Variants in VIPR2 observed in about 807,000 individuals in gnomAD.
The protein encoded by VIPR2 is vasoactive intestinal polypeptide receptor 2.
Under a neutral mutation model 58.0 loss-of-function variants are expected in VIPR2, and 48 were observed. The observed-to-expected ratio is 0.83, with a 90% CI of 0.66 to 1.05. The LOEUF (loss-of-function observed/expected upper bound fraction) is 1.05, where lower values mean the gene tolerates loss of function less well. Among genes scored for constraint, VIPR2 ranks in the 50% least tolerant of loss-of-function variants. The pLI, the probability that VIPR2 is intolerant of heterozygous loss-of-function variation, is 0.00. For missense variants in VIPR2, 534 were observed against 558.0 expected (o/e 0.96, Z 0.43); for synonymous variants, 243 against 235.2 (o/e 1.03, Z -0.30).
At chr7:159,139,115 C>A (rs1014375160) in intron 2 of VIPR2, among the ~76,000 whole-genome samples, 1 of 152,216 alleles carries the variant, frequency 6.6e-6, no homozygotes, top group African/African-American at 2.4e-5. Flanking sequence ...TTTAGGAGTT[C>A]ATTCCCCCAA....
chr7:159,117,853 G>A (rs12666365), intron 2 of VIPR2, among the ~76,000 whole-genome samples: 12,981 of 152,276 alleles, frequency 0.085, 577 homozygotes, highest in Middle Eastern at 0.13. Flanking sequence ...AGGAACCAGC[G>A]AGTGGGAAAA....
At chr7:159,129,154 T>G (rs1323408659) in intron 2 of VIPR2, among the ~76,000 whole-genome samples, 1 of 57,132 alleles carries the variant, frequency 1.8e-5, no homozygotes, top group Non-Finnish European at 3.5e-5. Context: ...GGGACAGGGC[T>G]GGGGGGACAG....
chr7:159,039,949 C>G (rs1046729741), intron 6 of VIPR2, among the ~76,000 whole-genome samples: 2 of 152,206 alleles, frequency 1.3e-5, no homozygotes, highest in African/African-American at 2.4e-5. Flanking sequence ...CATGAGGGAC[C>G]GTGTGCCGCC....
At chr7:159,083,508 G>C (rs1431609176) in intron 4 of VIPR2, among the ~76,000 whole-genome samples, 2 of 152,186 alleles carry the variant, frequency 1.3e-5, no homozygotes, top group Non-Finnish European at 2.9e-5. Context: ...CTGCCCTGGA[G>C]TGACCATAGC....
intron 2 of VIPR2, among the ~76,000 whole-genome samples, chr7:159,114,752 G>A (rs899299201): frequency 4.7e-5 from 7 of 148,300 alleles, no homozygotes; most frequent in African/African-American, 1.5e-4. Flanking sequence ...TCAAGCCCGG[G>A]TGACTGAGTG....
Position 159,124,664 on chromosome 7 carries a change from T to C in VIPR2, c.152-14745A>G, listed in dbSNP as rs193253235. On this transcript the variant is annotated intron_variant, in intron 2 of 12. Coordinates refer to ENST00000262178, the MANE Select transcript of VIPR2 (RefSeq NM_003382.5). ...TCCATATGAATTTTAAAATAGTTTT[T>C]TTCTAGTTCTGTGAAGAATACTGTT... Among the ~76,000 whole-genome samples the C allele has an allele frequency of 4.9e-3, 744 of 152,348 alleles. 6 individuals carry two copies. Among genetic ancestry groups the C allele is most frequent in the African/African-American group, 0.016 (671 of 41,576 alleles).
chr7:159,047,150 G>A (rs1392349327), intron 5 of VIPR2, among the ~76,000 whole-genome samples: 3 of 152,132 alleles, frequency 2.0e-5, no homozygotes, highest in Non-Finnish European at 2.9e-5. Context: ...CAGGAGAATC[G>A]CTTGAACCCA....
chr7:159,079,294 C>G (rs1322701293), intron 4 of VIPR2, among the ~76,000 whole-genome samples: 6 of 152,170 alleles, frequency 3.9e-5, no homozygotes, highest in Admixed American at 2.6e-4. Flanking sequence ...TGCAATCAAA[C>G]TAGAACACAG....
In VIPR2 at chr7:159,129,120, G is replaced by C. The variant is rs1278684202; in HGVS notation, c.151+13326C>G. On this transcript the variant is annotated intron_variant, in intron 2 of 12. Coordinates refer to ENST00000262178, the MANE Select transcript of VIPR2 (RefSeq NM_003382.5). ...GGCCAGGTGAGCAGCTTCACACTCT[G>C]TTCCCTCAAACTGGCCTCTGGGGGG... is the stretch of plus-strand genomic sequence containing the variant. Among the ~76,000 whole-genome samples the C allele has an allele frequency of 3.0e-5, 4 of 131,342 alleles. 1 individual carries two copies. The highest frequency in any genetic ancestry group is 2.2e-4 in the Admixed American group (3 of 13,342). 86.2% of individuals were successfully genotyped at this position (131,342 alleles called of 152,430 possible).
intron 4 of VIPR2, among the ~76,000 whole-genome samples, chr7:159,102,477 T>C (rs148403004): frequency 6.6e-6 from 1 of 152,366 alleles, no homozygotes; most frequent in East Asian, 1.9e-4. Flanking sequence ...TAATGACCCA[T>C]ATACCATGGG....
chr7:159,067,508 G>A (rs1206861736), intron 4 of VIPR2, among the ~76,000 whole-genome samples: 2 of 152,232 alleles, frequency 1.3e-5, no homozygotes, highest in African/African-American at 2.4e-5. Context: ...CTCATCCCAT[G>A]AGCTCAATGC....
chr7:159,104,805 C>T lies in VIPR2; in HGVS notation c.260-951G>A, dbSNP rs187277500. ...TTGCCACCGATGGTGACCGGGTGCC[C>T]GGCCTGCCCCAGTTCCTGACAGTAT... is the stretch of plus-strand genomic sequence containing the variant. On this transcript the variant is annotated intron_variant, in intron 3 of 12. Transcript: ENST00000262178. Among the ~76,000 whole-genome samples, 641 of 149,648 alleles carry T rather than the reference C, an allele frequency of 4.3e-3. 6 individuals carry two copies. Among genetic ancestry groups the T allele is most frequent in the Non-Finnish European group, 4.6e-3 (308 of 67,142 alleles).
At chr7:159,092,550 C>T (rs1404619382) in intron 4 of VIPR2, among the ~76,000 whole-genome samples, 1 of 152,156 alleles carries the variant, frequency 6.6e-6, no homozygotes, top group African/African-American at 2.4e-5. Context: ...AATTGTACAG[C>T]CTCTGGCATC....
At position 159,098,918 on chromosome 7, in the gene VIPR2, G is replaced by A. The variant is rs1262299028; in HGVS notation, c.357+4839C>T. Reference sequence around the variant, plus strand: ...GTGAGCTCCGGGCAGGAGAAACTCTGTTCAGTTCAGCTCCCAGGCAGCCCT... The same window carrying A: ...GTGAGCTCCGGGCAGGAGAAACTCTATTCAGTTCAGCTCCCAGGCAGCCCT... On this transcript the variant is annotated intron_variant, in intron 4 of 12. Coordinates refer to ENST00000262178, the MANE Select transcript of VIPR2 (RefSeq NM_003382.5). This position sits in a 1 kb window ranked among gnomAD's most constrained non-coding sequence, Gnocchi z 5.2. 1.3e-5 allele frequency among the ~76,000 whole-genome samples: 2 copies of A among 152,228 alleles called. No individual in the cohort carries two copies. Among genetic ancestry groups the A allele is most frequent in the Non-Finnish European group, 2.9e-5 (2 of 68,044 alleles).
At chr7:159,135,851 C>T (rs1320252309) in intron 2 of VIPR2, among the ~76,000 whole-genome samples, 1 of 152,138 alleles carries the variant, frequency 6.6e-6, no homozygotes, top group Non-Finnish European at 1.5e-5. Context: ...AGAGGATCAG[C>T]CAACGCATCA....
intron 5 of VIPR2, among the ~76,000 whole-genome samples, chr7:159,046,452 A>C (rs1259047267): frequency 6.6e-6 from 1 of 152,228 alleles, no homozygotes; most frequent in African/African-American, 2.4e-5. Flanking sequence ...ACCAGTCACA[A>C]AAGGCCACAT....
chr7:159,101,009 T>C (rs12666392), intron 4 of VIPR2, among the ~76,000 whole-genome samples: 38,855 of 116,954 alleles, frequency 0.33, 8,219 homozygotes, highest in African/African-American at 0.57. Context: ...GAGGCGGTTC[T>C]GACTGTTCCC....
intron 2 of VIPR2, among the ~76,000 whole-genome samples, chr7:159,138,815 G>T (rs1478433566): frequency 1.3e-5 from 2 of 152,140 alleles, no homozygotes; most frequent in Non-Finnish European, 2.9e-5. Context: ...ATACATTTTT[G>T]AACAGAATTT....
intron 6 of VIPR2, 122 bp from the exon 7 acceptor site, chr7:159,037,024 G>A (rs932183953): frequency 1.1e-5 from 13 of 1,206,466 alleles, no homozygotes; most frequent in African/African-American, 9.2e-5. Context: ...AGACACCGGT[G>A]CCATTGGGAA....
Sources: allele counts gnomAD v4.1 joint callset (sites outside exome capture counted in the v4.1 genomes callset), GRCh38; gene constraint gnomAD v4.1.1; non-coding constraint Gnocchi (gnomAD v3.1); transcripts MANE v1.5; gene names NCBI Gene and HGNC (gene_info 2026-07-23, HGNC 2026-07-21).